Variants in ARHGAP6 observed in about 807,000 individuals in gnomAD.
The protein encoded by ARHGAP6 is rho GTPase-activating protein 6.
A neutral mutation model predicts 55.7 loss-of-function variants in ARHGAP6; 16 were observed. That is an observed-to-expected ratio of 0.29 (90% CI 0.19 to 0.44). The LOEUF is 0.44. Ranked by LOEUF, ARHGAP6 falls within the 20% of genes least tolerant of loss-of-function variation. The pLI, the probability that ARHGAP6 is intolerant of heterozygous loss-of-function variation, is 1.00. For synonymous variants in ARHGAP6, 382 were observed against 360.9 expected, an observed-to-expected ratio of 1.06 and a Z score of -0.66; for missense variants, 698 against 808.9, an observed-to-expected ratio of 0.86 and a Z score of 1.66.
At chrX:11,297,684 T>G (rs749369093) in intron 1 of ARHGAP6, among the ~76,000 whole-genome samples, 1 of 111,782 alleles carries the variant, frequency 8.9e-6, no homozygotes, top group Non-Finnish European at 1.9e-5. Flanking sequence ...TGAAGACAAA[T>G]GTTAGTAAGA....
chrX:11,563,964 T>A (rs1253736616), intron 1 of ARHGAP6, among the ~76,000 whole-genome samples: 1 of 111,306 alleles, frequency 9.0e-6, no homozygotes, highest in East Asian at 2.8e-4. Flanking sequence ...GTGTTAAAGG[T>A]CACAAAGAGA....
chrX:11,503,302 A>G (rs763380985), intron 1 of ARHGAP6, among the ~76,000 whole-genome samples: 44 of 111,674 alleles, frequency 3.9e-4, no homozygotes, highest in African/African-American at 1.2e-3. Flanking sequence ...TCAATAACCC[A>G]CACAGTTCAA....
intron 1 of ARHGAP6, among the ~76,000 whole-genome samples, chrX:11,592,035 G>C (rs2051841597): frequency 9.0e-6 from 1 of 111,575 alleles, no homozygotes; most frequent in South Asian, 3.8e-4. Context: ...TTTGTAAGAA[G>C]TAGTCCCAGG....
At chrX:11,528,977 C>T (rs2051019575) in intron 1 of ARHGAP6, among the ~76,000 whole-genome samples, 1 of 111,943 alleles carries the variant, frequency 8.9e-6, no homozygotes, top group Non-Finnish European at 1.9e-5. Context: ...GAGTGGTTGT[C>T]ATTCTAGACT....
chrX:11,296,977 G>A lies in ARHGAP6; in HGVS notation c.589-42270C>T, dbSNP rs112174012. ...CCACCAGCTTCCCAGTTTAAGCTCT[G>A]ATGGTTGGCCTCAAGCCTGTGTCGT... On this transcript the variant is annotated intron_variant, in intron 1 of 12. Transcript: ENST00000337414. 509 of 840,435 alleles carry A rather than the reference G, an allele frequency of 6.1e-4. 1 individual carries two copies. Among genetic ancestry groups the A allele is most frequent in the Non-Finnish European group, 7.1e-4 (406 of 569,801 alleles). 69.3% of individuals were successfully genotyped at this position (840,435 alleles called of 1,213,427 possible).
At chrX:11,474,406 C>T (rs1247560691) in intron 1 of ARHGAP6, among the ~76,000 whole-genome samples, 1 of 112,066 alleles carries the variant, frequency 8.9e-6, no homozygotes. Context: ...GTATAAATCT[C>T]ACCAAATTAT....
chrX:11,396,114 T>G (rs1290505881), intron 1 of ARHGAP6, among the ~76,000 whole-genome samples: 4 of 111,693 alleles, frequency 3.6e-5, no homozygotes, highest in Non-Finnish European at 7.5e-5. Flanking sequence ...CTATCAGTTT[T>G]AGTTGCTTCC....
intron 8 of ARHGAP6, among the ~76,000 whole-genome samples, chrX:11,174,514 TTTCTTTCCTTCCTTCC>T (rs1377826438): frequency 1.5e-3 from 127 of 86,855 alleles, no homozygotes; most frequent in African/African-American, 5.3e-3. Flanking sequence ...CCATTCTTTC[TTTCTTTCCTTCCTTCC>T]TTCCTTCCTT....
At chrX:11,300,904 C>A (rs1056284047) in intron 1 of ARHGAP6, 9 of 221,351 alleles carry the variant, frequency 4.1e-5, no homozygotes, top group African/African-American at 2.6e-4. Context: ...GAATATATTT[C>A]TTTTTAGAGA....
chrX:11,623,132 T>A (rs1381441708), intron 1 of ARHGAP6, among the ~76,000 whole-genome samples: 1 of 111,597 alleles, frequency 9.0e-6, no homozygotes, highest in Admixed American at 9.5e-5. Flanking sequence ...TGTCCTTGTT[T>A]GCAGACAATA....
intron 1 of ARHGAP6, among the ~76,000 whole-genome samples, chrX:11,451,731 T>C (rs1187133949): frequency 8.9e-6 from 1 of 111,897 alleles, no homozygotes; most frequent in Non-Finnish European, 1.9e-5. Flanking sequence ...GCATAGCACC[T>C]TGGTAACAAT....
chrX:11,518,462 C>CT (rs368595944), intron 1 of ARHGAP6, among the ~76,000 whole-genome samples: 10,859 of 74,827 alleles, frequency 0.15, 1,000 homozygotes, highest in Non-Finnish European at 0.21. Flanking sequence ...TTTTTTTTTT[C>CT]TTTTTTTTTT....
chrX:11,496,505 G>A (rs2050623971), intron 1 of ARHGAP6, among the ~76,000 whole-genome samples: 1 of 111,608 alleles, frequency 9.0e-6, no homozygotes, highest in Non-Finnish European at 1.9e-5. Context: ...ATTATCAAGT[G>A]TTCCTCATTA....
At chrX:11,474,315 A>T (rs146498275) in intron 1 of ARHGAP6, among the ~76,000 whole-genome samples, 93 of 112,131 alleles carry the variant, frequency 8.3e-4, no homozygotes, top group African/African-American at 2.9e-3. Flanking sequence ...CTTTGGGTCC[A>T]CATACCACCT....
intron 2 of ARHGAP6, among the ~76,000 whole-genome samples, chrX:11,235,109 C>T (rs746783578): frequency 5.3e-5 from 6 of 112,916 alleles, no homozygotes; most frequent in Non-Finnish European, 1.1e-4. Context: ...CAGAGGTTTC[C>T]ATGAGGGCTA....
intron 1 of ARHGAP6, among the ~76,000 whole-genome samples, chrX:11,565,178 T>C (rs959672394): frequency 5.3e-5 from 6 of 112,219 alleles, no homozygotes; most frequent in African/African-American, 1.9e-4. Flanking sequence ...CATCAACAAC[T>C]ATCACTGAAT....
rs1435950952 is a variant in ARHGAP6, at chrX:11,138,855, G to C, written c.*8C>G. 2 of 1,173,064 alleles carry C rather than the reference G, an allele frequency of 1.7e-6. No homozygotes were observed. The highest frequency in any genetic ancestry group is 2.3e-6 in the Non-Finnish European group (2 of 883,104). Reference sequence around the variant, plus strand: ...CTCGGGGCAGGGGGGGCTCGGCTGGGTGCGGGCTCAGACCAGCGTCTCGGG... The same window carrying C: ...CTCGGGGCAGGGGGGGCTCGGCTGGCTGCGGGCTCAGACCAGCGTCTCGGG... On this transcript the variant is annotated 3_prime_UTR_variant, in exon 13 of 13. Coordinates refer to ENST00000337414, the MANE Select transcript of ARHGAP6 (RefSeq NM_013427.3).
intron 9 of ARHGAP6, among the ~76,000 whole-genome samples, chrX:11,162,739 G>A (rs1159841984): frequency 1.8e-5 from 2 of 112,033 alleles, no homozygotes; most frequent in African/African-American, 3.2e-5. Flanking sequence ...CTGCAGCACA[G>A]TCTTCTTGCT....
intron 2 of ARHGAP6, among the ~76,000 whole-genome samples, chrX:11,228,849 A>G (rs772389440): frequency 8.9e-6 from 1 of 112,091 alleles, no homozygotes; most frequent in Non-Finnish European, 1.9e-5. Context: ...ACTAAACCAC[A>G]TGACAGTATT....
Sources: allele counts gnomAD v4.1 joint callset (sites outside exome capture counted in the v4.1 genomes callset), GRCh38; gene constraint gnomAD v4.1.1; transcripts MANE v1.5; gene names NCBI Gene and HGNC (gene_info 2026-07-23, HGNC 2026-07-21).